Variants in SLC34A3 observed in about 807,000 individuals in gnomAD.
SLC34A3 encodes solute carrier family 34 member 3.
Under a neutral mutation model 43.9 loss-of-function variants are expected in SLC34A3, and 60 were observed. The ratio of observed to expected loss-of-function variants is 1.37; its 90% CI spans 1.11 to 1.70. SLC34A3 has a LOEUF of 1.70. Among genes scored for constraint, SLC34A3 ranks in the 40% most tolerant of loss-of-function variants. SLC34A3 has a pLI of 0.00. For missense variants in SLC34A3, 969 were observed against 823.8 expected, an observed-to-expected ratio of 1.18 and a Z score of -2.16; for synonymous variants, 451 against 386.2, an observed-to-expected ratio of 1.17 and a Z score of -1.97.
chr9:137,236,253 T>G lies in SLC34A3; in HGVS notation c.1637T>G (p.Leu546Arg), dbSNP rs766646336. The change falls in exon 13 of 13, where the codon CTG (leucine) becomes CGG (arginine). Residue 546 changes from leucine (L) to arginine (R), a missense_variant. By Grantham distance (102) the Leu-to-Arg change is moderately radical. Transcript: ENST00000673835. ...CGGCCGGCCTGGCTGCCTGTCCGCC[T>G]GCGCTCCTGGGCCTGGCTCCCCGTC... ...RRRPAWLPVR[L>R]RSWAWLPVWL... The G allele has an allele frequency of 6.5e-7, 1 of 1,547,726 alleles. No homozygotes were observed. The highest frequency in any genetic ancestry group is 2.4e-5 in the East Asian group (1 of 40,980).
upstream of SLC34A3, among the ~76,000 whole-genome samples, chr9:137,229,833 G>A (rs1836099724): frequency 6.6e-6 from 1 of 152,176 alleles, no homozygotes; most frequent in African/African-American, 2.4e-5. Flanking sequence ...AGACCCTTTT[G>A]AGGGGCCGGG....
Position 137,232,607 on chromosome 9 carries a change from G to T in SLC34A3, c.208G>T (p.Ala70Ser). 1 of 1,611,660 alleles carries T rather than the reference G, an allele frequency of 6.2e-7. No individual in the cohort carries two copies. The highest frequency in any genetic ancestry group is 1.1e-5 in the South Asian group (1 of 91,034). Residue 70 changes from alanine (A) to serine (S), a missense_variant, in exon 4 of 13, where the codon GCC (alanine) becomes TCC (serine). Coordinates refer to ENST00000673835, the MANE Select transcript of SLC34A3 (RefSeq NM_001177316.2). ...LRVAGRLRRV[A>S]GSVLKACGLL... ...CGTGGCCGGCAGGCTGCGCCGCGTGGCCGGCAGCGTCCTCAAGGCCTGCGG... is the reference window on the plus strand; with the variant it reads ...CGTGGCCGGCAGGCTGCGCCGCGTGTCCGGCAGCGTCCTCAAGGCCTGCGG...
At chr9:137,233,425 C>T (rs747146778) in intron 7 of SLC34A3, 21 bp downstream of exon 7, 122 of 1,592,606 alleles carry the variant, frequency 7.7e-5, no homozygotes, top group South Asian at 6.3e-4. Context: ...CCACCGCCCC[C>T]GCCCAGAGAG....
intron 3 of SLC34A3, 111 bp from the exon 4 acceptor site, chr9:137,232,464 G>T: frequency 6.8e-7 from 1 of 1,469,022 alleles, no homozygotes; most frequent in Non-Finnish European, 9.3e-7. Context: ...GAGGAAATGG[G>T]ACCCAGCCCT....
At position 137,234,585 on chromosome 9, in the gene SLC34A3, TG is replaced by T. The variant is rs752860927; in HGVS notation, c.1211-20del. 1 of 1,611,934 alleles carries T rather than the reference TG, an allele frequency of 6.2e-7. No homozygotes were observed. Among genetic ancestry groups the T allele is most frequent in the Non-Finnish European group, 8.5e-7 (1 of 1,179,644 alleles). The stretch of plus-strand genomic sequence containing the variant: ...AACGGGGGCTCGGGCTGGGGTCCTG[TG>T]GTGACTCCCAGTTCCCCCAGGGGTC... On this transcript the variant is annotated intron_variant, in intron 11 of 12. Coordinates refer to ENST00000673835, the MANE Select transcript of SLC34A3 (RefSeq NM_001177316.2). The surrounding 1 kb of genome is among the most constrained non-coding windows in gnomAD (Gnocchi z 6.9).
Position 137,236,074 on chromosome 9 carries a change from G to T in SLC34A3, c.1458G>T (p.Trp486Cys), listed in dbSNP as rs774042728. 6.2e-7 allele frequency: 1 copy of T among 1,612,498 alleles called. No individual in the cohort carries two copies. Among genetic ancestry groups the T allele is most frequent in the Non-Finnish European group, 8.5e-7 (1 of 1,179,856 alleles). ...GGGTGGTGACCGCCCGTTACCGCTG[G>T]GTGGCTGGGGTCTACCTGCTGCTCG... is the stretch of plus-strand genomic sequence containing the variant. ...HFGVVTARYRWVAGVYLLLGF... is the reference protein window; with the variant it reads ...HFGVVTARYRCVAGVYLLLGF... Residue 486 changes from tryptophan to cysteine, a missense_variant, in exon 13 of 13, where the codon TGG becomes TGT. Trp to Cys is a radical substitution (Grantham distance 215). Coordinates refer to ENST00000673835, the MANE Select transcript of SLC34A3 (RefSeq NM_001177316.2).
upstream of SLC34A3, among the ~76,000 whole-genome samples, chr9:137,230,365 G>A (rs915798567): frequency 2.0e-5 from 3 of 152,158 alleles, no homozygotes; most frequent in African/African-American, 7.2e-5. Context: ...CCCTGAACCC[G>A]GATCTGAACC....
At chr9:137,235,344 G>A (rs868578859) in intron 12 of SLC34A3, among the ~76,000 whole-genome samples, 9 of 152,260 alleles carry the variant, frequency 5.9e-5, no homozygotes, top group Middle Eastern at 6.8e-3. Flanking sequence ...CCGAAACTCC[G>A]GGTCATGCTG....
In SLC34A3 at chr9:137,234,794, G is replaced by C; in HGVS notation, c.1335+63G>C. 6.3e-7 allele frequency: 1 copy of C among 1,597,746 alleles called. No homozygotes were observed. Among genetic ancestry groups the C allele is most frequent in the East Asian group, 2.2e-5 (1 of 44,828 alleles). Reference sequence around the variant, plus strand: ...CTTCCTCTCAGCCCCACAGACAGGAGTGTGTCACCAGCCCCGGGGCCCTAG... The same window carrying C: ...CTTCCTCTCAGCCCCACAGACAGGACTGTGTCACCAGCCCCGGGGCCCTAG... On this transcript the variant is annotated intron_variant, in intron 12 of 12. Transcript: ENST00000673835. This position sits in a 1 kb window ranked among gnomAD's most constrained non-coding sequence, Gnocchi z 6.9.
In SLC34A3 at chr9:137,231,723, C is replaced by T; in HGVS notation, c.21C>T (p.Gly7=). Residue 7 remains glycine, a synonymous_variant, in exon 2 of 13, where the codon GGC becomes GGT. Coordinates refer to ENST00000673835, the MANE Select transcript of SLC34A3 (RefSeq NM_001177316.2). Reference sequence around the variant, plus strand: ...AATCCATGCCGAGTTCCCTTCCCGGCAGCCAGGTCCCCCACCCCACTCTGG... The same window carrying T: ...AATCCATGCCGAGTTCCCTTCCCGGTAGCCAGGTCCCCCACCCCACTCTGG... MPSSLP[G]SQVPHPTLDA... is the part of the protein sequence containing the mutation. 6.2e-7 allele frequency: 1 copy of T among 1,613,130 alleles called. No individual in the cohort carries two copies.
intron 8 of SLC34A3, 57 bp downstream of exon 8, chr9:137,233,779 T>TTTGGGCCC: frequency 6.9e-7 from 1 of 1,445,802 alleles, no homozygotes; most frequent in Non-Finnish European, 9.6e-7. Context: ...TGCTGAGTCA[T>TTTGGGCCC]CCCGCCCCAC....
rs1345068303 is a variant in SLC34A3, at chr9:137,234,184, T to G, written c.1001T>G (p.Val334Gly). ...GCILLAGSLLVLCGCLVLIVK... is the reference protein window; with the variant it reads ...GCILLAGSLLGLCGCLVLIVK... ...ATCCTGCTGGCCGGCTCCCTGCTGG[T>G]GCTCTGCGGCTGCCTGGTCCTCATA... The change falls in exon 10 of 13, where the codon GTG (valine) becomes GGG (glycine). Residue 334 changes from valine to glycine, a missense_variant. By Grantham distance (109) the Val-to-Gly change is moderately radical. Transcript: ENST00000673835. The surrounding 1 kb of genome is among the most constrained non-coding windows in gnomAD (Gnocchi z 6.9). The G allele has an allele frequency of 6.2e-7, 1 of 1,605,900 alleles. No individual in the cohort carries two copies. Among genetic ancestry groups the G allele is most frequent in the Non-Finnish European group, 8.5e-7 (1 of 1,178,260 alleles).
upstream of SLC34A3, chr9:137,230,716 G>T (rs1035535407): frequency 6.6e-6 from 1 of 152,264 alleles, no homozygotes; most frequent in Non-Finnish European, 1.5e-5. Flanking sequence ...CTCCAGGAGG[G>T]TTGGGCTGGG....
At chr9:137,232,464 G>A (rs1209242598) in intron 3 of SLC34A3, 111 bp from the exon 4 acceptor site, 1 of 1,469,024 alleles carries the variant, frequency 6.8e-7, no homozygotes, top group Non-Finnish European at 9.3e-7. Flanking sequence ...GAGGAAATGG[G>A]ACCCAGCCCT....
At chr9:137,233,589 TGA>T (rs1564418596) in intron 7 of SLC34A3, 42 bp from the exon 8 acceptor site, 2 of 1,596,078 alleles carry the variant, frequency 1.3e-6, no homozygotes, top group Non-Finnish European at 8.6e-7. Flanking sequence ...GGGTGAGTCC[TGA>T]GAGAGGGTGC....
intron 12 of SLC34A3, among the ~76,000 whole-genome samples, chr9:137,235,085 A>C (rs1836508226): frequency 6.8e-6 from 1 of 148,006 alleles, no homozygotes. Flanking sequence ...AGGAGCAGCC[A>C]CTCACCTCCA....
Position 137,231,736 on chromosome 9 carries a change from C to G in SLC34A3, c.34C>G (p.His12Asp). 1 of 1,613,198 alleles carries G rather than the reference C, an allele frequency of 6.2e-7. No homozygotes were observed. The highest frequency in any genetic ancestry group is 1.1e-5 in the South Asian group (1 of 91,088). Residue 12 changes from histidine to aspartate, a missense_variant, in exon 2 of 13, where the codon CAC (histidine) becomes GAC (aspartate). Physicochemically the swap from His to Asp is moderately conservative, Grantham distance 81. Coordinates refer to ENST00000673835, the MANE Select transcript of SLC34A3 (RefSeq NM_001177316.2). ...TTCCCTTCCCGGCAGCCAGGTCCCC[C>G]ACCCCACTCTGGACGCGGTTGACCT... is the stretch of plus-strand genomic sequence containing the variant. ...PSSLPGSQVP[H>D]PTLDAVDLVE... is the part of the protein sequence containing the mutation.
chr9:137,233,219 G>T lies in SLC34A3; in HGVS notation c.571G>T (p.Gly191Cys). Residue 191 changes from glycine (G) to cysteine (C), a missense_variant, in exon 7 of 13, where the codon GGC becomes TGC. Transcript: ENST00000673835. The stretch of plus-strand genomic sequence containing the variant: ...TCTCTGCGGCCACAGGGCTTTCAGC[G>T]GCTCGGCGGTGCACGGGATCTTCAA... ...DRDEFQRAFS[G>C]SAVHGIFNWL... 6.3e-7 allele frequency: 1 copy of T among 1,575,028 alleles called. No homozygotes were observed. The highest frequency in any genetic ancestry group is 1.1e-5 in the South Asian group (1 of 86,958).
At position 137,234,851 on chromosome 9, in the gene SLC34A3, T is replaced by A; in HGVS notation, c.1335+120T>A. 4 of 1,466,244 alleles carry A rather than the reference T, an allele frequency of 2.7e-6. No individual in the cohort carries two copies. Among genetic ancestry groups the A allele is most frequent in the Non-Finnish European group, 3.7e-6 (4 of 1,072,518 alleles). The allele number at this position is 1,466,244 out of a possible 1,614,324, so 90.8% of individuals were successfully genotyped here. A position where few individuals can be genotyped will look rare whatever the true frequency, so the allele number is the denominator to read the frequency against. On this transcript the variant is annotated intron_variant, in intron 12 of 12. Transcript: ENST00000673835. This position sits in a 1 kb window ranked among gnomAD's most constrained non-coding sequence, Gnocchi z 6.9. ...TGTGCCCCCGCCTTCCTGGACCCCT[T>A]CCCTGGCCGCCAGCCTCAGCCCTGC...
Sources: allele counts gnomAD v4.1 joint callset (sites outside exome capture counted in the v4.1 genomes callset), GRCh38; gene constraint gnomAD v4.1.1; non-coding constraint Gnocchi (gnomAD v3.1); transcripts MANE v1.5; gene names NCBI Gene and HGNC (gene_info 2026-07-23, HGNC 2026-07-21).